KRT86: variants seen among roughly 807,000 people sequenced by gnomAD.
KRT86 encodes keratin, type II cuticular Hb6.
Under a neutral mutation model 41.2 loss-of-function variants are expected in KRT86, and 30 were observed. The observed-to-expected ratio is 0.73, with a 90% CI of 0.54 to 0.99. KRT86 has a LOEUF of 0.99. KRT86 is among the 50% of genes least tolerant of loss of function. The pLI is 0.00. For synonymous variants in KRT86, 238 were observed against 238.1 expected (o/e 1.00, Z 0.00); for missense variants, 561 against 571.4 (o/e 0.98, Z 0.19).
rs138218894 is a variant in KRT86 at position 52,286,643 on chromosome 12, G to A, written c.-5+10697G>A. On this transcript the variant is annotated intron_variant, in intron 2 of 10. Coordinates refer to ENST00000423955, the MANE Select transcript of KRT86 (RefSeq NM_001320198.2). The stretch of plus-strand genomic sequence containing the variant: ...AGGTCCATCTAGTCCAAGAGCTGGG[G>A]TCTTTTGGATGTCTGACCCCAAATC... The A allele has an allele frequency of 4.2e-4, 499 of 1,174,792 alleles. 1 individual carries two copies. In the African/African-American group the frequency reaches 7.2e-3, roughly 17 times the overall value. 72.8% of individuals were successfully genotyped at this position (1,174,792 alleles called of 1,614,324 possible).
At chr12:52,305,499 G>C (rs1279263201) in intron 7 of KRT86, 95 bp downstream of exon 7, 16 of 1,605,906 alleles carry the variant, frequency 1.0e-5, no homozygotes, top group Non-Finnish European at 1.3e-5. Flanking sequence ...GATGCACTAG[G>C]GATGAGAAGA....
At chr12:52,295,642 C>G (rs986977492) in intron 2 of KRT86, among the ~76,000 whole-genome samples, 2 of 152,178 alleles carry the variant, frequency 1.3e-5, no homozygotes, top group African/African-American at 4.8e-5. Context: ...AAAGCAGAGA[C>G]ACATACCCAG....
In KRT86 at chr12:52,308,870, A is replaced by G; in HGVS notation, c.*285A>G. On this transcript the variant is annotated 3_prime_UTR_variant, in exon 11 of 11. Coordinates refer to ENST00000423955, the MANE Select transcript of KRT86 (RefSeq NM_001320198.2). Reference sequence around the variant, plus strand: ...GCCTGCCTTCTGTTTTTTTTGCTGTATACATTGGTCTTGCCTGAGCTCTTC... The same window carrying G: ...GCCTGCCTTCTGTTTTTTTTGCTGTGTACATTGGTCTTGCCTGAGCTCTTC... 1 of 477,188 alleles carries G rather than the reference A, an allele frequency of 2.1e-6. No individual in the cohort carries two copies. The highest frequency in any genetic ancestry group is 2.2e-5 in the South Asian group (1 of 45,904). 29.6% of individuals were successfully genotyped at this position (477,188 alleles called of 1,614,324 possible). A position where few individuals can be genotyped will look rare whatever the true frequency, so the allele number is the denominator to read the frequency against.
intron 2 of KRT86, among the ~76,000 whole-genome samples, chr12:52,293,790 C>T (rs577564736): frequency 5.3e-5 from 8 of 152,108 alleles, no homozygotes; most frequent in Non-Finnish European, 7.4e-5. Flanking sequence ...AAAATTAGCT[C>T]GTAAAGTACA....
In KRT86 at chr12:52,306,175, A is replaced by T. The variant is rs1488354250; in HGVS notation, c.1142A>T (p.Asp381Val). 3 of 1,613,884 alleles carry T rather than the reference A, an allele frequency of 1.9e-6. No homozygotes were observed. The highest frequency in any genetic ancestry group is 1.7e-4 in the Middle Eastern group (1 of 5,812). ...LEGALQKAKQDMACLIREYQE... is the reference protein window; with the variant it reads ...LEGALQKAKQVMACLIREYQE... ...GGTGCCCTGCAGAAGGCCAAGCAGG[A>T]CATGGCCTGCCTGATCAGGGAGTAC... Residue 381 changes from aspartate to valine, a missense_variant, in exon 9 of 11, where the codon GAC becomes GTC. Asp to Val is a radical substitution (Grantham distance 152). Around this residue, in one of 3 missense-constraint regions of KRT86, gnomAD observed 397 missense variants for 375.9 expected, o/e 1.06. Transcript: ENST00000423955.
intron 7 of KRT86, 110 bp from the exon 8 acceptor site, chr12:52,305,553 A>G: frequency 1.9e-6 from 3 of 1,603,490 alleles, no homozygotes; most frequent in Non-Finnish European, 2.6e-6. Context: ...CAGGACTGCC[A>G]TGTGTGGTTG....
Position 52,274,650 on chromosome 12 carries a change from G to T in KRT86, c.-203G>T. 1.0e-6 allele frequency: 1 copy of T among 967,988 alleles called. No homozygotes were observed. The highest frequency in any genetic ancestry group is 1.2e-6 in the Non-Finnish European group (1 of 814,072). The allele number at this position is 967,988 out of a possible 1,614,324, so 60.0% of individuals were successfully genotyped here. On this transcript the variant is annotated 5_prime_UTR_variant, in exon 1 of 11. Coordinates refer to ENST00000423955, the MANE Select transcript of KRT86 (RefSeq NM_001320198.2). ...CCTAGTCCTCAGTGGCAAGGATTCT[G>T]GTAGCTCTTGGGCTGAAGCTGGGCT...
At chr12:52,286,139 G>T in intron 2 of KRT86, 1 of 833,672 alleles carries the variant, frequency 1.2e-6, no homozygotes, top group Non-Finnish European at 2.0e-6. Context: ...GAGTGGGAGG[G>T]GTCTTTCAAA....
Position 52,308,577 on chromosome 12 carries a change from A to C in KRT86, c.1453A>C (p.Arg485=). Residue 485 remains arginine (R), a synonymous_variant, in exon 11 of 11, where the codon AGG becomes CGG. Coordinates refer to ENST00000423955, the MANE Select transcript of KRT86 (RefSeq NM_001320198.2). ...RVGVCGGSCK[R]C is the part of the protein sequence containing the mutation. ...TGGCGTCTGCGGCGGCAGCTGTAAG[A>C]GGTGCTAGGAGGCTGCCGCCTCCGC... The C allele has an allele frequency of 6.3e-7, 1 of 1,597,046 alleles. No homozygotes were observed. Among genetic ancestry groups the C allele is most frequent in the Non-Finnish European group, 8.5e-7 (1 of 1,179,088 alleles).
At position 52,305,378 on chromosome 12, in the gene KRT86, G is replaced by A. The variant is rs759668482; in HGVS notation, c.874G>A (p.Glu292Lys). 5 of 1,614,250 alleles carry A rather than the reference G, an allele frequency of 3.1e-6. No individual in the cohort carries two copies. The highest frequency in any genetic ancestry group is 4.2e-6 in the Non-Finnish European group (5 of 1,180,044). Residue 292 changes from glutamate to lysine, a missense_variant, in exon 7 of 11, where the codon GAG (glutamate) becomes AAG (lysine). Around this residue, in one of 3 missense-constraint regions of KRT86, gnomAD observed 397 missense variants for 375.9 expected, o/e 1.06. Coordinates refer to ENST00000423955, the MANE Select transcript of KRT86 (RefSeq NM_001320198.2). ...TGACATTGTCACCCGTAGCCGGGCTGAGGCCGAGTCCTGGTACCGCAGCAA... is the reference window on the plus strand; with the variant it reads ...TGACATTGTCACCCGTAGCCGGGCTAAGGCCGAGTCCTGGTACCGCAGCAA... ...YDDIVTRSRA[E>K]AESWYRSKCE... is the part of the protein sequence containing the mutation.
chr12:52,304,958 A>G lies in KRT86; in HGVS notation c.666A>G (p.Lys222=), dbSNP rs201521867. 245 of 1,613,404 alleles carry G rather than the reference A, an allele frequency of 1.5e-4. No homozygotes were observed. The East Asian group carries it at 2.5e-3, about 16-fold the overall frequency. ...KKDVDCAYLR[K]SDLEANVEAL... ...ATGTGGACTGCGCCTACCTCCGCAAATCAGACCTGGAGGCCAATGTGGAGG... is the reference window on the plus strand; with the variant it reads ...ATGTGGACTGCGCCTACCTCCGCAAGTCAGACCTGGAGGCCAATGTGGAGG... Residue 222 remains lysine, a synonymous_variant, in exon 6 of 11, where the codon AAA becomes AAG. Coordinates refer to ENST00000423955, the MANE Select transcript of KRT86 (RefSeq NM_001320198.2).
At chr12:52,296,695 G>A (rs1474374045) in intron 2 of KRT86, among the ~76,000 whole-genome samples, 1 of 152,178 alleles carries the variant, frequency 6.6e-6, no homozygotes, top group Non-Finnish European at 1.5e-5. Context: ...ACTGGCCTGA[G>A]GTCAATTCCA....
intron 9 of KRT86, among the ~76,000 whole-genome samples, 195 bp from the exon 10 acceptor site, chr12:52,308,038 G>A (rs868371267): frequency 6.6e-6 from 1 of 152,170 alleles, no homozygotes; most frequent in South Asian, 2.1e-4. Context: ...AGTGGAGAGC[G>A]AGGCACTCAC....
At chr12:52,286,879 G>T (rs1049840733) in intron 2 of KRT86, 9 of 1,600,086 alleles carry the variant, frequency 5.6e-6, no homozygotes, top group African/African-American at 5.4e-5. Flanking sequence ...GGCTGAAAAA[G>T]CTCCCCAGTT....
At chr12:52,294,943 C>T (rs1283430298) in intron 2 of KRT86, among the ~76,000 whole-genome samples, 1 of 152,134 alleles carries the variant, frequency 6.6e-6, no homozygotes, top group Admixed American at 6.6e-5. Context: ...TGTAGCTGTC[C>T]TGTGTTCATT....
At chr12:52,282,324 C>A (rs1268804833) in intron 2 of KRT86, among the ~76,000 whole-genome samples, 1 of 151,846 alleles carries the variant, frequency 6.6e-6, no homozygotes, top group African/African-American at 2.4e-5. Context: ...GCTCCGCCTC[C>A]CGGGTTCACA....
intron 3 of KRT86, 32 bp downstream of exon 3, chr12:52,302,317 C>G: frequency 1.8e-6 from 1 of 541,200 alleles, no homozygotes; most frequent in Non-Finnish European, 3.0e-6. Context: ...CTTCCTGAAC[C>G]CCCACCACCT....
At chr12:52,286,564 C>T (rs1937944784) in intron 2 of KRT86, 2 of 1,447,614 alleles carry the variant, frequency 1.4e-6, no homozygotes, top group Non-Finnish European at 1.9e-6. Flanking sequence ...ACCGCCCCTG[C>T]CCAAGACCTG....
chr12:52,301,851 C>G, intron 2 of KRT86, 62 bp from the exon 3 acceptor site: 1 of 1,613,426 alleles, frequency 6.2e-7, no homozygotes, highest in Admixed American at 1.7e-5. Context: ...CCTGACGCCC[C>G]GACCACTGTG....
Sources: allele counts gnomAD v4.1 joint callset (sites outside exome capture counted in the v4.1 genomes callset), GRCh38; gene constraint gnomAD v4.1.1; regional missense constraint gnomAD v4.1.1; transcripts MANE v1.5; gene names NCBI Gene and HGNC (gene_info 2026-07-23, HGNC 2026-07-21).